SLC39A11: variants seen among roughly 807,000 people sequenced by gnomAD.
SLC39A11 encodes the protein zinc transporter ZIP11.
SLC39A11 carries 33 observed loss-of-function variants against 36.1 expected under a neutral mutation model. The ratio of observed to expected loss-of-function variants is 0.91; its 90% CI spans 0.69 to 1.22. The LOEUF is 1.22. Among genes scored for constraint, SLC39A11 ranks in the 50% most tolerant of loss-of-function variants. The pLI, the probability that SLC39A11 is intolerant of heterozygous loss-of-function variation, is 0.00. For missense variants in SLC39A11, 432 were observed against 430.3 expected (o/e 1.00, Z -0.03); for synonymous variants, 166 against 170.3 (o/e 0.97, Z 0.20).
At chr17:72,647,935 C>G (rs1461451417) in intron 9 of SLC39A11, among the ~76,000 whole-genome samples, 2 of 152,142 alleles carry the variant, frequency 1.3e-5, no homozygotes, top group Non-Finnish European at 2.9e-5. Context: ...CACCTATGAT[C>G]GTTCTGTGGT....
At chr17:72,955,450 G>A (rs553801847) in intron 4 of SLC39A11, among the ~76,000 whole-genome samples, 53 of 148,060 alleles carry the variant, frequency 3.6e-4, no homozygotes, top group African/African-American at 1.1e-3. Flanking sequence ...CTACAAGCAC[G>A]CAACACCACG....
chr17:73,059,847 A>G (rs1232243050), intron 3 of SLC39A11, among the ~76,000 whole-genome samples: 7 of 152,168 alleles, frequency 4.6e-5, no homozygotes, highest in Admixed American at 3.9e-4. Context: ...TAGATAGGAT[A>G]AATAAAAAAC....
At chr17:72,733,756 T>C (rs1353653837) in intron 7 of SLC39A11, among the ~76,000 whole-genome samples, 2 of 152,122 alleles carry the variant, frequency 1.3e-5, no homozygotes, top group African/African-American at 4.8e-5. Context: ...AGAATGAGTG[T>C]GGGTGGATTT....
At chr17:72,686,529 C>T (rs981628533) in intron 7 of SLC39A11, among the ~76,000 whole-genome samples, 1 of 151,674 alleles carries the variant, frequency 6.6e-6, no homozygotes. Context: ...TCCAGACCCC[C>T]CTCTGCTTGG....
intron 3 of SLC39A11, among the ~76,000 whole-genome samples, chr17:73,054,091 G>A (rs2059591230): frequency 6.6e-6 from 1 of 152,184 alleles, no homozygotes; most frequent in African/African-American, 2.4e-5. Flanking sequence ...CGGGCCAGGT[G>A]TGGTGGCTCA....
intron 4 of SLC39A11, among the ~76,000 whole-genome samples, chr17:73,000,096 G>A (rs898984797): frequency 1.3e-5 from 2 of 152,118 alleles, no homozygotes; most frequent in African/African-American, 4.8e-5. Context: ...CCCACTTTAT[G>A]AGACAAGGAC....
chr17:72,884,572 A>C (rs934523007), intron 5 of SLC39A11, among the ~76,000 whole-genome samples: 1 of 152,222 alleles, frequency 6.6e-6, no homozygotes, highest in African/African-American at 2.4e-5. Context: ...TTTTTCAGGT[A>C]GTCATTGGTT....
intron 4 of SLC39A11, among the ~76,000 whole-genome samples, chr17:72,997,204 C>T (rs2089570372): frequency 6.6e-6 from 1 of 152,130 alleles, no homozygotes. Context: ...CTTTGTGCCA[C>T]AGCAACAATG....
intron 5 of SLC39A11, among the ~76,000 whole-genome samples, chr17:72,895,000 C>T (rs566903212): frequency 6.6e-6 from 1 of 152,036 alleles, no homozygotes; most frequent in Non-Finnish European, 1.5e-5. Context: ...ACTGTTTCCC[C>T]AGAAACTAAC....
chr17:72,900,137 AG>A lies in SLC39A11; in HGVS notation c.430+47614del, dbSNP rs1226980636. On this transcript the variant is annotated intron_variant, in intron 5 of 9. Transcript: ENST00000255559. ...AGAAAGAAAGAAAAGAAAGAAAGAA[AG>A]AAAAAGAAAGAAAGAAAAGAAAGAA... Among the ~76,000 whole-genome samples, 140 of 91,286 alleles carry A rather than the reference AG, an allele frequency of 1.5e-3. 29 individuals are homozygous for A. The highest frequency in any genetic ancestry group is 0.012 in the African/African-American group (133 of 11,218). 59.9% of individuals were successfully genotyped at this position (91,286 alleles called of 152,430 possible). A position where few individuals can be genotyped will look rare whatever the true frequency, so the allele number is the denominator to read the frequency against.
At chr17:72,795,790 A>C (rs2076876676) in intron 6 of SLC39A11, among the ~76,000 whole-genome samples, 1 of 152,100 alleles carries the variant, frequency 6.6e-6, no homozygotes, top group African/African-American at 2.4e-5. Context: ...TATGTGTGTA[A>C]TCTGCAGGGT....
At chr17:72,909,802 G>C (rs1297251593) in intron 5 of SLC39A11, among the ~76,000 whole-genome samples, 2 of 149,624 alleles carry the variant, frequency 1.3e-5, no homozygotes, top group African/African-American at 4.9e-5. Flanking sequence ...CTGGAGTGCA[G>C]TGGCGTGATC....
At chr17:72,781,528 A>G (rs2076319709) in intron 6 of SLC39A11, among the ~76,000 whole-genome samples, 1 of 150,706 alleles carries the variant, frequency 6.6e-6, no homozygotes, top group Non-Finnish European at 1.5e-5. Flanking sequence ...GGTTCACACC[A>G]TTCTCCTGCC....
chr17:72,873,529 T>G (rs1297669538), intron 5 of SLC39A11, among the ~76,000 whole-genome samples: 1 of 152,202 alleles, frequency 6.6e-6, no homozygotes, highest in East Asian at 1.9e-4. Flanking sequence ...TTGGCTTTTC[T>G]GGGCATCAGT....
intron 7 of SLC39A11, among the ~76,000 whole-genome samples, chr17:72,726,973 T>C (rs2073956750): frequency 6.6e-6 from 1 of 152,190 alleles, no homozygotes; most frequent in Admixed American, 6.5e-5. Flanking sequence ...TTGTGGACTA[T>C]CCATGGCACA....
At chr17:72,799,285 G>A (rs1440023695) in intron 6 of SLC39A11, among the ~76,000 whole-genome samples, 10 of 151,934 alleles carry the variant, frequency 6.6e-5, no homozygotes, top group Admixed American at 5.2e-4. Context: ...ATGTCACCTC[G>A]GGACCACTGT....
chr17:72,776,098 C>T (rs1157716945), intron 6 of SLC39A11, among the ~76,000 whole-genome samples: 1 of 152,220 alleles, frequency 6.6e-6, no homozygotes, highest in Non-Finnish European at 1.5e-5. Context: ...GATGCAATTA[C>T]AAACAGCAGG....
chr17:72,993,879 C>T (rs2089339298), intron 4 of SLC39A11, among the ~76,000 whole-genome samples: 1 of 152,152 alleles, frequency 6.6e-6, no homozygotes, highest in Non-Finnish European at 1.5e-5. Context: ...GCTGTGTCCC[C>T]CACCCAAATC....
At chr17:72,804,244 G>A (rs2077183506) in intron 6 of SLC39A11, among the ~76,000 whole-genome samples, 1 of 152,064 alleles carries the variant, frequency 6.6e-6, no homozygotes, top group Non-Finnish European at 1.5e-5. Flanking sequence ...TTTATTCCAA[G>A]TCCCCATTTG....
Sources: gnomAD v4.1 joint callset for allele counts (sites outside exome capture counted in the v4.1 genomes callset) on GRCh38, gnomAD v4.1.1 for gene constraint, MANE v1.5 for transcripts, NCBI Gene and HGNC (gene_info 2026-07-23, HGNC 2026-07-21) for gene names.